ANKRD7: variants seen among roughly 807,000 people sequenced by gnomAD.
ANKRD7 encodes the protein ankyrin repeat domain-containing protein 7.
Under a neutral mutation model 30.8 loss-of-function variants are expected in ANKRD7, and 30 were observed. The ratio of observed to expected loss-of-function variants is 0.97; its 90% CI spans 0.73 to 1.32. The LOEUF (loss-of-function observed/expected upper bound fraction) is 1.32. ANKRD7 is among the 40% of genes most tolerant of loss of function. ANKRD7 has a pLI of 0.00. For missense variants in ANKRD7, 264 were observed against 295.7 expected (o/e 0.89, Z 0.79); for synonymous variants, 97 against 106.6 (o/e 0.91, Z 0.55).
chr7:118,225,147 T>C, intron 1 of ANKRD7, 138 bp downstream of exon 1: 7 of 974,334 alleles, frequency 7.2e-6, no homozygotes, highest in Non-Finnish European at 1.0e-5. Flanking sequence ...TGGTAACCAT[T>C]GGCAGAGGGT....
chr7:118,241,317 T>C (rs1286800849), intron 6 of ANKRD7, among the ~76,000 whole-genome samples: 1 of 151,676 alleles, frequency 6.6e-6, no homozygotes, highest in Non-Finnish European at 1.5e-5. Flanking sequence ...ACTCCTCCAC[T>C]ACAATTCACC....
At chr7:118,236,210 ATGTGTGTGTGTG>A (rs3993811) in intron 4 of ANKRD7, 63 bp downstream of exon 4, 18 of 606,004 alleles carry the variant, frequency 3.0e-5, no homozygotes, top group African/African-American at 1.7e-4. Flanking sequence ...GTGTGTGCGT[ATGTGTGTGTGTG>A]TGTGTGTGTG....
intron 1 of ANKRD7, among the ~76,000 whole-genome samples, chr7:118,232,720 T>TTGTGTG (rs3061652): frequency 2.5e-4 from 37 of 146,014 alleles, no homozygotes; most frequent in South Asian, 1.5e-3. Context: ...AGCAGTGTGT[T>TTGTGTG]TGTGTGTGTG....
chr7:118,234,618 GT>G lies in ANKRD7; in HGVS notation c.294+77del, dbSNP rs1470556397. On this transcript the variant is annotated intron_variant, in intron 2 of 6. Coordinates refer to ENST00000265224, the MANE Select transcript of ANKRD7 (RefSeq NM_019644.4). ...TAGTTAATTTTTGTTGATTTTTCATGTTTTAAAACATAGTATCAAACATTAA... is the reference window on the plus strand; with the variant it reads ...TAGTTAATTTTTGTTGATTTTTCATGTTTAAAACATAGTATCAAACATTAA... The G allele has an allele frequency of 7.7e-6, 12 of 1,557,822 alleles. No individual in the cohort carries two copies. In the Admixed American group the frequency reaches 1.2e-4, roughly 15 times the overall value.
chr7:118,237,280 T>C (rs185403222), intron 5 of ANKRD7, among the ~76,000 whole-genome samples: 108 of 152,356 alleles, frequency 7.1e-4, no homozygotes, highest in African/African-American at 2.5e-3. Context: ...ATATATGGAT[T>C]GTATTCATGT....
chr7:118,241,305 A>C (rs1265938148), intron 6 of ANKRD7, among the ~76,000 whole-genome samples: 1 of 151,696 alleles, frequency 6.6e-6, no homozygotes, highest in Non-Finnish European at 1.5e-5. Flanking sequence ...ACTAGCAAGC[A>C]GACTCCTCCA....
chr7:118,229,038 C>T (rs991431334), intron 1 of ANKRD7, among the ~76,000 whole-genome samples: 1 of 152,160 alleles, frequency 6.6e-6, no homozygotes, highest in African/African-American at 2.4e-5. Context: ...CATCTTCACC[C>T]TGTTACTTGT....
At chr7:118,235,116 ATTGT>A (rs1213167089) in intron 3 of ANKRD7, among the ~76,000 whole-genome samples, 1 of 152,136 alleles carries the variant, frequency 6.6e-6, no homozygotes, top group Non-Finnish European at 1.5e-5. Context: ...AACAACTATA[ATTGT>A]TTAACAGGCC....
chr7:118,239,141 G>T (rs1809780841), intron 5 of ANKRD7, among the ~76,000 whole-genome samples: 1 of 152,168 alleles, frequency 6.6e-6, no homozygotes, highest in Non-Finnish European at 1.5e-5. Flanking sequence ...GCCCAGACCT[G>T]GTCCTTGGCC....
chr7:118,236,207 CGTATGT>C, intron 4 of ANKRD7, 60 bp downstream of exon 4: 2 of 595,870 alleles, frequency 3.4e-6, no homozygotes, highest in Admixed American at 2.8e-5. Flanking sequence ...TGTGTGTGTG[CGTATGT>C]GTGTGTGTGT....
Position 118,234,563 on chromosome 7 carries a change from T to G in ANKRD7, c.294+18T>G. ...TGATTAAGGTATGCCATAGTTTTTC[T>G]TTTTCAATTGGAATGTGTTTGAGTT... On this transcript the variant is annotated intron_variant, in intron 2 of 6. Transcript: ENST00000265224. The G allele has an allele frequency of 6.3e-7, 1 of 1,586,638 alleles. No homozygotes were observed.
intron 1 of ANKRD7, among the ~76,000 whole-genome samples, chr7:118,229,609 C>G (rs187885806): frequency 9.7e-4 from 147 of 151,952 alleles, no homozygotes; most frequent in African/African-American, 3.4e-3. Context: ...TGGATATATG[C>G]AAAAATATGG....
Position 118,236,148 on chromosome 7 carries a change from G to C in ANKRD7, c.575+1G>C, listed in dbSNP as rs764447343. The C allele has an allele frequency of 1.3e-6, 2 of 1,532,104 alleles. No homozygotes were observed. Among genetic ancestry groups the C allele is most frequent in the Non-Finnish European group, 1.8e-6 (2 of 1,114,920 alleles). The allele number at this position is 1,532,104 out of a possible 1,614,324, so 94.9% of individuals were successfully genotyped here. On this transcript the variant is annotated splice_donor_variant, in intron 4 of 6. Transcript: ENST00000265224. LOFTEE classifies it high-confidence loss of function. ...TGAATGCTTCAGATAATTATCAAAG[G>C]TATAATTAATAAATAAGATAGCACA...
chr7:118,235,563 G>A (rs374757941), intron 3 of ANKRD7, among the ~76,000 whole-genome samples: 1 of 139,582 alleles, frequency 7.2e-6, no homozygotes, highest in African/African-American at 2.7e-5. Context: ...AGTGAGCCAA[G>A]ATTGCGCCAC....
intron 1 of ANKRD7, among the ~76,000 whole-genome samples, chr7:118,231,444 G>A (rs1407999727): frequency 6.6e-6 from 1 of 151,964 alleles, no homozygotes; most frequent in Non-Finnish European, 1.5e-5. Context: ...CTCAAATCTA[G>A]ATTACATCGA....
chr7:118,242,693 G>C lies in ANKRD7; in HGVS notation c.*382G>C, dbSNP rs1809865256. 6.6e-6 allele frequency: 1 copy of C among 152,072 alleles called. No homozygotes were observed. Among genetic ancestry groups the C allele is most frequent in the Admixed American group, 6.5e-5 (1 of 15,278 alleles). 9.4% of individuals were successfully genotyped at this position (152,072 alleles called of 1,614,324 possible). On this transcript the variant is annotated 3_prime_UTR_variant, in exon 7 of 7. Transcript: ENST00000265224. ...AATAAAAATACATTTCAGCTACAAA[G>C]TGAAGGAAAACATTATAAATAATCC...
chr7:118,234,606 T>C, intron 2 of ANKRD7, 61 bp downstream of exon 2: 1 of 1,559,542 alleles, frequency 6.4e-7, no homozygotes, highest in Non-Finnish European at 8.7e-7. Context: ...TTAATTTTTG[T>C]TGATTTTTCA....
chr7:118,233,476 T>C (rs1809673214), intron 1 of ANKRD7, among the ~76,000 whole-genome samples: 1 of 152,132 alleles, frequency 6.6e-6, no homozygotes, highest in South Asian at 2.1e-4. Context: ...ATTTTCTTGG[T>C]TTATTGCCAT....
chr7:118,235,439 C>T (rs534362533), intron 3 of ANKRD7, among the ~76,000 whole-genome samples: 6 of 151,742 alleles, frequency 4.0e-5, no homozygotes, highest in Non-Finnish European at 8.8e-5. Context: ...GGTGAAACCC[C>T]GTCTCTACTA....
Sources: gnomAD v4.1 joint callset for allele counts (sites outside exome capture counted in the v4.1 genomes callset) on GRCh38, gnomAD v4.1.1 for gene constraint, MANE v1.5 for transcripts, NCBI Gene and HGNC (gene_info 2026-07-23, HGNC 2026-07-21) for gene names.